GABPA: variants seen among roughly 807,000 people sequenced by gnomAD.
The protein encoded by GABPA is GA binding protein transcription factor subunit alpha, also known as GA-binding protein alpha chain.
Under a neutral mutation model 59.4 loss-of-function variants are expected in GABPA, and 4 were observed. That is an observed-to-expected ratio of 0.07 (90% CI 0.03 to 0.15). The LOEUF is 0.15. Ranked by LOEUF, GABPA falls within the 10% of genes least tolerant of loss-of-function variation. The pLI, the probability that GABPA is intolerant of heterozygous loss-of-function variation, is 1.00. For missense variants in GABPA, 251 were observed against 543.8 expected, an observed-to-expected ratio of 0.46 and a Z score of 5.36; for synonymous variants, 164 against 183.1, an observed-to-expected ratio of 0.90 and a Z score of 0.84.
At chr21:25,760,514 TC>T (rs940747022) in intron 6 of GABPA, among the ~76,000 whole-genome samples, 1 of 151,654 alleles carries the variant, frequency 6.6e-6, no homozygotes, top group Non-Finnish European at 1.5e-5. Context: ...CTGCCTGCAG[TC>T]CCCCCTATGT....
In GABPA at chr21:25,743,466, G is replaced by C. The variant is rs1263271954; in HGVS notation, c.78-1744G>C. 5.3e-5 allele frequency among the ~76,000 whole-genome samples: 8 copies of C among 152,216 alleles called. No homozygotes were observed. The East Asian group carries it at 1.5e-3, about 29-fold the overall frequency. On this transcript the variant is annotated intron_variant, in intron 2 of 9. Transcript: ENST00000400075. ...TATCTGACCTTTTGTGGATAGTCTA[G>C]GTTAGGCGACAGATTGGTAATTAAT...
rs532908597 is a variant in GABPA, at chr21:25,760,875, T to TC, written c.749-1432dup. On this transcript the variant is annotated intron_variant, in intron 6 of 9. Transcript: ENST00000400075. ...CAGTCTTTCAAAAACTTTTTTTTTT[T>TC]CCCCCTGTGGTCTGCCTTCTGTCTT... Among the ~76,000 whole-genome samples, 235 of 151,814 alleles carry TC rather than the reference T, an allele frequency of 1.5e-3. 1 individual carries two copies. Among genetic ancestry groups the TC allele is most frequent in the African/African-American group, 5.3e-3 (220 of 41,344 alleles).
chr21:25,764,928 C>T, intron 9 of GABPA, 141 bp downstream of exon 9: 2 of 555,606 alleles, frequency 3.6e-6, no homozygotes, highest in Non-Finnish European at 5.8e-6. Flanking sequence ...ATTAAAAAAC[C>T]TTTTTAAAAA....
chr21:25,740,702 A>T (rs2035198015), intron 1 of GABPA, among the ~76,000 whole-genome samples: 1 of 152,252 alleles, frequency 6.6e-6, no homozygotes, highest in South Asian at 2.1e-4. Flanking sequence ...CCTCTGAAAA[A>T]ATCATTAAAA....
chr21:25,764,053 T>G (rs1209375449), intron 7 of GABPA, among the ~76,000 whole-genome samples, 157 bp from the exon 8 acceptor site: 1 of 152,172 alleles, frequency 6.6e-6, no homozygotes, highest in Non-Finnish European at 1.5e-5. Flanking sequence ...TTTTTTGTTA[T>G]TTTGTTTGAA....
At chr21:25,737,272 C>T (rs1323278929) in intron 1 of GABPA, among the ~76,000 whole-genome samples, 1 of 152,140 alleles carries the variant, frequency 6.6e-6, no homozygotes, top group Non-Finnish European at 1.5e-5. Flanking sequence ...CTCAGTTTTC[C>T]TAAGTATTGA....
At chr21:25,753,342 T>C (rs902338721) in intron 5 of GABPA, among the ~76,000 whole-genome samples, 6 of 152,340 alleles carry the variant, frequency 3.9e-5, no homozygotes, top group Admixed American at 3.3e-4. Context: ...ATGAGACTCA[T>C]TCCCACTGAA....
chr21:25,757,975 T>C (rs2035676956), intron 5 of GABPA, 35 bp from the exon 6 acceptor site: 5 of 1,346,370 alleles, frequency 3.7e-6, no homozygotes, highest in Non-Finnish European at 4.0e-6. Flanking sequence ...GTATCTAAAA[T>C]GGAACTAGGC....
rs2036001966 is a variant in GABPA, at chr21:25,771,149, T to G, written c.*1917T>G. Reference sequence around the variant, plus strand: ...AAAAAAATAATAAAGTATACCCTTCTGGTATATCATCAAGAGCTTAAGAAT... The same window carrying G: ...AAAAAAATAATAAAGTATACCCTTCGGGTATATCATCAAGAGCTTAAGAAT... On this transcript the variant is annotated 3_prime_UTR_variant, in exon 10 of 10. Coordinates refer to ENST00000400075, the MANE Select transcript of GABPA (RefSeq NM_002040.4). 4 of 152,022 alleles carry G rather than the reference T, an allele frequency of 2.6e-5. No homozygotes were observed. The allele number at this position is 152,022 out of a possible 1,614,324, so 9.4% of individuals were successfully genotyped here. A position where few individuals can be genotyped will look rare whatever the true frequency, so the allele number is the denominator to read the frequency against.
At chr21:25,766,044 C>A (rs1266939874) in intron 9 of GABPA, among the ~76,000 whole-genome samples, 1 of 151,892 alleles carries the variant, frequency 6.6e-6, no homozygotes, top group East Asian at 1.9e-4. Flanking sequence ...TCTAAAGTTA[C>A]AGTAATAAGA....
Position 25,735,026 on chromosome 21 carries a change from C to G in GABPA, c.-579C>G, listed in dbSNP as rs988472018. 2.3e-5 allele frequency: 35 copies of G among 1,507,750 alleles called. No homozygotes were observed. In the East Asian group the frequency reaches 6.1e-4, roughly 26 times the overall value. The allele number at this position is 1,507,750 out of a possible 1,614,324, so 93.4% of individuals were successfully genotyped here. A position where few individuals can be genotyped will look rare whatever the true frequency, so the allele number is the denominator to read the frequency against. The stretch of plus-strand genomic sequence containing the variant: ...GTCTCGGAGACAGTCTGCGACCGGA[C>G]GGGTCTAGGTGAGACAGAAGCCAAA... On this transcript the variant is annotated 5_prime_UTR_variant, in exon 1 of 10. Transcript: ENST00000400075.
rs2035963806 is a variant in GABPA, at chr21:25,769,223, G to C, written c.1356G>C (p.Lys452Asn). Residue 452 changes from lysine to asparagine, a missense_variant, in exon 10 of 10, where the codon AAG (lysine) becomes AAC (asparagine). This residue lies in a region of GABPA where 23 missense variants were observed against 60.7 expected (regional missense o/e 0.38). Coordinates refer to ENST00000400075, the MANE Select transcript of GABPA (RefSeq NM_002040.4). ...ALATASLQTE[K>N]DN is the part of the protein sequence containing the mutation. ...CTACTGCTTCTCTGCAAACGGAAAAGGATAATTGAGCCCCAGGACATTCTG... is the reference window on the plus strand; with the variant it reads ...CTACTGCTTCTCTGCAAACGGAAAACGATAATTGAGCCCCAGGACATTCTG... 1.3e-6 allele frequency: 2 copies of C among 1,590,936 alleles called. No individual in the cohort carries two copies. The highest frequency in any genetic ancestry group is 1.7e-5 in the Admixed American group (1 of 59,794).
chr21:25,747,381 A>T (rs1601121288), intron 3 of GABPA, among the ~76,000 whole-genome samples: 1 of 152,196 alleles, frequency 6.6e-6, no homozygotes, highest in Admixed American at 6.5e-5. Flanking sequence ...CCTGCAGATT[A>T]CCCAGGCTCT....
At chr21:25,750,250 A>G (rs2035475324) in intron 4 of GABPA, among the ~76,000 whole-genome samples, 1 of 152,166 alleles carries the variant, frequency 6.6e-6, no homozygotes, top group Non-Finnish European at 1.5e-5. Context: ...CGGTAATGTG[A>G]GTGAAAGGGA....
intron 1 of GABPA, 128 bp from the exon 2 acceptor site, chr21:25,741,445 A>G (rs1460669250): frequency 9.5e-6 from 4 of 419,094 alleles, no homozygotes; most frequent in African/African-American, 2.1e-5. Context: ...ATTTTCTTCT[A>G]TATGTAAAGA....
intron 6 of GABPA, among the ~76,000 whole-genome samples, chr21:25,759,381 C>G (rs765763430): frequency 2.6e-5 from 4 of 152,106 alleles, no homozygotes; most frequent in African/African-American, 4.8e-5. Context: ...GATTTTTCCA[C>G]CGTAATTCAA....
chr21:25,743,618 T>C (rs1444292296), intron 2 of GABPA, among the ~76,000 whole-genome samples: 1 of 151,886 alleles, frequency 6.6e-6, no homozygotes, highest in South Asian at 2.1e-4. Flanking sequence ...ATTGGTACTT[T>C]AGATATTTGA....
intron 1 of GABPA, 95 bp from the exon 2 acceptor site, chr21:25,741,478 G>A: frequency 2.0e-6 from 1 of 498,790 alleles, no homozygotes; most frequent in Non-Finnish European, 3.5e-6. Flanking sequence ...CTTCTGCTTG[G>A]CGTTTGCTTT....
rs936073269 is a variant in GABPA, at chr21:25,769,360, T to A, written c.*128T>A. 4.4e-5 allele frequency: 26 copies of A among 586,962 alleles called. No individual in the cohort carries two copies. Among genetic ancestry groups the A allele is most frequent in the African/African-American group, 2.4e-4 (13 of 53,486 alleles). 36.4% of individuals were successfully genotyped at this position (586,962 alleles called of 1,614,324 possible). On this transcript the variant is annotated 3_prime_UTR_variant, in exon 10 of 10. Transcript: ENST00000400075. ...TGTACAGTCTGATGCATGATTTTTT[T>A]ATAAATATTTCATACTCTTGTGAAT...
Sources: allele counts gnomAD v4.1 joint callset (sites outside exome capture counted in the v4.1 genomes callset), GRCh38; gene constraint gnomAD v4.1.1; regional missense constraint gnomAD v4.1.1; transcripts MANE v1.5; gene names NCBI Gene and HGNC (gene_info 2026-07-23, HGNC 2026-07-21).